SEC16A: variants seen among roughly 807,000 people sequenced by gnomAD.
SEC16A encodes SEC16 homolog A, endoplasmic reticulum export factor, also known as protein transport protein Sec16A.
Under a neutral mutation model 221.9 loss-of-function variants are expected in SEC16A, and 110 were observed. That is an observed-to-expected ratio of 0.50 (90% CI 0.42 to 0.58). The LOEUF (loss-of-function observed/expected upper bound fraction) is 0.58. SEC16A is among the 20% of genes least tolerant of loss of function. SEC16A has a pLI of 0.00. For missense variants in SEC16A, 3,165 were observed against 3,097.8 expected, an observed-to-expected ratio of 1.02 and a Z score of -0.52; for synonymous variants, 1,393 against 1,257.7, an observed-to-expected ratio of 1.11 and a Z score of -2.28.
intron 22 of SEC16A, among the ~76,000 whole-genome samples, chr9:136,453,007 T>C (rs1420136610): frequency 6.7e-6 from 1 of 148,164 alleles, no homozygotes; most frequent in Non-Finnish European, 1.5e-5. Context: ...GAGGTGGAGG[T>C]TGCAGTGAGC....
intron 31 of SEC16A, 22 bp downstream of exon 31, chr9:136,443,801 G>A (rs1467131478): frequency 1.2e-6 from 2 of 1,602,438 alleles, no homozygotes; most frequent in South Asian, 2.2e-5. Flanking sequence ...GGGTCTCGTA[G>A]GGAAAGGTAG....
chr9:136,456,115 C>G lies in SEC16A; in HGVS notation c.5602G>C (p.Glu1868Gln). Reference sequence around the variant, plus strand: ...CACGTGGGTGCGGCCAAGGACTCCTCTTCTGGCTTCTCTTTCAGCTGGGGA... The same window carrying G: ...CACGTGGGTGCGGCCAAGGACTCCTGTTCTGGCTTCTCTTTCAGCTGGGGA... ...FDPQLKEKPEEESLAAPTWLV... is the reference protein window; with the variant it reads ...FDPQLKEKPEQESLAAPTWLV... The change falls in exon 19 of 32, where the codon GAG becomes CAG. Residue 1868 changes from glutamate (E) to glutamine (Q), a missense_variant. By Grantham distance (29) the Glu-to-Gln change is conservative. Transcript: ENST00000684901. 6.2e-7 allele frequency: 1 copy of G among 1,612,802 alleles called. No homozygotes were observed. The highest frequency in any genetic ancestry group is 8.5e-7 in the Non-Finnish European group (1 of 1,179,842).
rs757943782 is a variant in SEC16A at position 136,476,769 on chromosome 9, C to T, written c.847G>A (p.Val283Met). ...TGGCTTCCACTTTGCAAGTGGCTCA[C>T]CTCGTCTCTTCCGTCACTGGGCAAG... ...AALPSDGRDEVSHLQSGSHLA... is the reference protein window; with the variant it reads ...AALPSDGRDEMSHLQSGSHLA... The change falls in exon 3 of 32, where the codon GTG becomes ATG. Residue 283 changes from valine (V) to methionine (M), a missense_variant. By Grantham distance (21) the Val-to-Met change is conservative. Around this residue, in one of 3 missense-constraint regions of SEC16A, gnomAD observed 2,030 missense variants for 1,923.1 expected, o/e 1.06. Transcript: ENST00000684901. 4.3e-6 allele frequency: 7 copies of T among 1,611,284 alleles called. No homozygotes were observed. The highest frequency in any genetic ancestry group is 5.1e-6 in the Non-Finnish European group (6 of 1,178,108).
Position 136,448,117 on chromosome 9 carries a change from T to G in SEC16A, c.6357A>C (p.Thr2119=), listed in dbSNP as rs368642106. The G allele has an allele frequency of 4.5e-5, 73 of 1,613,522 alleles. 1 individual carries two copies. The African/African-American group carries it at 8.1e-4, about 18-fold the overall frequency. The change falls in exon 24 of 32, where the codon ACA becomes ACC. Residue 2119 remains threonine (T), a synonymous_variant. Transcript: ENST00000684901. ...FFRWLPGKKK[T]EAYLPDDKNK... ...TCTTGTCATCTGGCAAATAAGCTTC[T>G]GTCTTTTTCTTTCCAGGTAGCCAAC... is the stretch of plus-strand genomic sequence containing the variant.
chr9:136,481,556 C>A lies in SEC16A; in HGVS notation c.-192+1382G>T, dbSNP rs1216318320. On this transcript the variant is annotated intron_variant, in intron 1 of 31. Coordinates refer to ENST00000684901, the MANE Select transcript of SEC16A (RefSeq NM_014866.2). ...GCTAGTCAGTTAAACTGCCTTGTAACCATGTGGATACCTAAGCAAAACTCT... is the reference window on the plus strand; with the variant it reads ...GCTAGTCAGTTAAACTGCCTTGTAAACATGTGGATACCTAAGCAAAACTCT... 2.0e-5 allele frequency among the ~76,000 whole-genome samples: 3 copies of A among 152,210 alleles called. No individual in the cohort carries two copies. The East Asian group carries it at 5.8e-4, about 29-fold the overall frequency.
chr9:136,444,556 C>T (rs1369330690), intron 30 of SEC16A, among the ~76,000 whole-genome samples: 1 of 152,146 alleles, frequency 6.6e-6, no homozygotes, highest in Non-Finnish European at 1.5e-5. Flanking sequence ...ACCTCAGGGT[C>T]GATCCAGTTG....
intron 31 of SEC16A, among the ~76,000 whole-genome samples, chr9:136,442,919 T>TA (rs1295375130): frequency 2.0e-5 from 3 of 151,762 alleles, no homozygotes; most frequent in African/African-American, 7.3e-5. Flanking sequence ...GAAAAAGAAA[T>TA]AAAAAACATA....
At chr9:136,483,473 GGCCCC>G, upstream of SEC16A, 1 of 922,912 alleles carries the variant, frequency 1.1e-6, no homozygotes, top group Non-Finnish European at 1.3e-6. Context: ...CCCCGCCCGT[GGCCCC>G]GCCCCCCTCC....
At chr9:136,442,993 C>T (rs934069208) in intron 31 of SEC16A, among the ~76,000 whole-genome samples, 25 of 152,206 alleles carry the variant, frequency 1.6e-4, no homozygotes, top group African/African-American at 5.8e-4. Context: ...CTAAGAAAGG[C>T]AGCAACATAG....
rs757568383 is a variant in SEC16A at position 136,444,879 on chromosome 9, CAA to C, written c.6927+171_6927+172del. Among the ~76,000 whole-genome samples the C allele has an allele frequency of 6.9e-3, 454 of 65,592 alleles. 2 individuals carry two copies. Among genetic ancestry groups the C allele is most frequent in the African/African-American group, 0.021 (387 of 18,330 alleles). 43.0% of individuals were successfully genotyped at this position (65,592 alleles called of 152,430 possible). A position where few individuals can be genotyped will look rare whatever the true frequency, so the allele number is the denominator to read the frequency against. ...GGGCAACAAGAGCGAAACTCCGTCT[CAA>C]AAAAAAAAAAAAAAAAAAAAGGAAC... On this transcript the variant is annotated intron_variant, in intron 30 of 31. Coordinates refer to ENST00000684901, the MANE Select transcript of SEC16A (RefSeq NM_014866.2).
chr9:136,470,946 C>A (rs374671357), intron 4 of SEC16A, among the ~76,000 whole-genome samples: 1 of 152,188 alleles, frequency 6.6e-6, no homozygotes, highest in South Asian at 2.1e-4. Context: ...CGCAGCCTAG[C>A]GCGGTGGCCA....
rs984002784 is a variant in SEC16A, at chr9:136,459,625, G to A, written c.5192-70C>T. 2.2e-5 allele frequency: 30 copies of A among 1,367,940 alleles called. No homozygotes were observed. Among genetic ancestry groups the A allele is most frequent in the South Asian group, 5.0e-5 (4 of 79,766 alleles). 84.7% of individuals were successfully genotyped at this position (1,367,940 alleles called of 1,614,324 possible). On this transcript the variant is annotated intron_variant, in intron 15 of 31. Transcript: ENST00000684901. This position sits in a 1 kb window ranked among gnomAD's most constrained non-coding sequence, Gnocchi z 6.1. Reference sequence around the variant, plus strand: ...GAGCGCTTGCAGAAGTCAAGGACGCGCACAGAAGGCACCAGAGACGCCAGC... The same window carrying A: ...GAGCGCTTGCAGAAGTCAAGGACGCACACAGAAGGCACCAGAGACGCCAGC...
rs114386206 is a variant in SEC16A at position 136,476,377 on chromosome 9, G to A, written c.1239C>T (p.Pro413=). The change falls in exon 3 of 32, where the codon CCC becomes CCT. Residue 413 remains proline (P), a synonymous_variant. Transcript: ENST00000684901. ...TGCCTGCCCCCACGTGTGTAGGTGC[G>A]GGCGGACGGCCTAGCCCAGGGCTGG... The part of the protein sequence containing the change: ...FCSSPGLGRP[P]APTHVGAGSL... 2,022 of 1,612,740 alleles carry A rather than the reference G, an allele frequency of 1.3e-3. 8 individuals are homozygous for A. The highest frequency in any genetic ancestry group is 0.011 in the African/African-American group (814 of 75,036).
intron 3 of SEC16A, among the ~76,000 whole-genome samples, chr9:136,473,412 G>A (rs1225651416): frequency 6.6e-6 from 1 of 152,212 alleles, no homozygotes; most frequent in Admixed American, 6.5e-5. Context: ...AGGATTATGC[G>A]GAACCTAACT....
chr9:136,471,196 G>T (rs1403416369), intron 4 of SEC16A, among the ~76,000 whole-genome samples: 1 of 151,982 alleles, frequency 6.6e-6, no homozygotes, highest in Non-Finnish European at 1.5e-5. Context: ...GCCGGGCGCA[G>T]TGGCTAATGC....
rs746037656 is a variant in SEC16A at position 136,461,942 on chromosome 9, C to CA, written c.4894-669dup. ...GCAACATGGTGAAACCCCGTCTCTA[C>CA]AAAAAAAAAAAAAAAGTTAGCCAGG... On this transcript the variant is annotated intron_variant, in intron 12 of 31. Transcript: ENST00000684901. Among the ~76,000 whole-genome samples, 270 of 103,512 alleles carry CA rather than the reference C, an allele frequency of 2.6e-3. 2 individuals are homozygous for CA. Among genetic ancestry groups the CA allele is most frequent in the South Asian group, 0.02 (68 of 3,418 alleles). 67.9% of individuals were successfully genotyped at this position (103,512 alleles called of 152,430 possible).
rs1839108393 is a variant in SEC16A at position 136,459,028 on chromosome 9, C to T, written c.5409+106G>A. 1.4e-6 allele frequency: 1 copy of T among 696,106 alleles called. No individual in the cohort carries two copies. Among genetic ancestry groups the T allele is most frequent in the East Asian group, 2.9e-5 (1 of 34,994 alleles). The allele number at this position is 696,106 out of a possible 1,614,324, so 43.1% of individuals were successfully genotyped here. A position where few individuals can be genotyped will look rare whatever the true frequency, so the allele number is the denominator to read the frequency against. On this transcript the variant is annotated intron_variant, in intron 17 of 31. Transcript: ENST00000684901. The surrounding 1 kb of genome is among the most constrained non-coding windows in gnomAD (Gnocchi z 6.1). ...TCAAGATCCTCCCCCAAAAAACTCA[C>T]ATCATTTTTTTCGATACCAATTCAA...
At position 136,463,003 on chromosome 9, in the gene SEC16A, C is replaced by G. The variant is rs576555567; in HGVS notation, c.4777G>C (p.Glu1593Gln). 3.7e-6 allele frequency: 6 copies of G among 1,611,356 alleles called. No homozygotes were observed. Among genetic ancestry groups the G allele is most frequent in the Admixed American group, 3.3e-5 (2 of 60,022 alleles). The change falls in exon 12 of 32, where the codon GAG becomes CAG. Residue 1593 changes from glutamate (E) to glutamine (Q), a missense_variant. Coordinates refer to ENST00000684901, the MANE Select transcript of SEC16A (RefSeq NM_014866.2). ...TNEAVEQVEE[E>Q]ESGEAQLSFL... ...GAGAGCTGGGCCTCACCAGACTCCT[C>G]CTCTTCCACCTGCTCCACTGCCTCA... is the stretch of plus-strand genomic sequence containing the variant.
At chr9:136,471,734 G>C (rs1161867013) in intron 4 of SEC16A, among the ~76,000 whole-genome samples, 1 of 152,222 alleles carries the variant, frequency 6.6e-6, no homozygotes, top group Non-Finnish European at 1.5e-5. Context: ...CCCCAGTAGG[G>C]GTGGCGCCAA....
Sources: allele counts gnomAD v4.1 joint callset (sites outside exome capture counted in the v4.1 genomes callset), GRCh38; gene constraint gnomAD v4.1.1; regional missense constraint gnomAD v4.1.1; non-coding constraint Gnocchi (gnomAD v3.1); transcripts MANE v1.5; gene names NCBI Gene and HGNC (gene_info 2026-07-23, HGNC 2026-07-21).